SVEP1: variants seen among roughly 807,000 people sequenced by gnomAD.
SVEP1 encodes sushi, von Willebrand factor type A, EGF and pentraxin domain-containing protein 1.
In SVEP1, 164 loss-of-function variants were observed where a neutral mutation model predicts 367.3. The observed-to-expected ratio is 0.45, with a 90% confidence interval of 0.39 to 0.51. The LOEUF is 0.51. Among genes scored for constraint, SVEP1 ranks in the 20% least tolerant of loss-of-function variants. The probability of loss-of-function intolerance (pLI) is 0.00; values close to 1 mark genes in which losing one functional copy is unlikely to be tolerated. For synonymous variants in SVEP1, 1,666 were observed against 1,611.6 expected (o/e 1.03, Z -0.81); for missense variants, 4,117 against 4,425.3 (o/e 0.93, Z 1.98).
chr9:110,380,823 G>A (rs1400558730), intron 43 of SVEP1, among the ~76,000 whole-genome samples: 2 of 152,112 alleles, frequency 1.3e-5, no homozygotes, highest in Non-Finnish European at 2.9e-5. Context: ...CTGGTCCTTG[G>A]CTTTTTTTGG....
chr9:110,492,759 C>T (rs1055439122), intron 8 of SVEP1, among the ~76,000 whole-genome samples: 3 of 152,044 alleles, frequency 2.0e-5, no homozygotes, highest in African/African-American at 7.2e-5. Context: ...AGAACATTGG[C>T]AGGGGGAAGG....
At position 110,443,531 on chromosome 9, in the gene SVEP1, T is replaced by C. The variant is rs1467332786; in HGVS notation, c.4639+14A>G. The C allele has an allele frequency of 1.3e-6, 2 of 1,584,314 alleles. No homozygotes were observed. The highest frequency in any genetic ancestry group is 4.6e-5 in the East Asian group (2 of 43,570). On this transcript the variant is annotated intron_variant, in intron 27 of 47. Transcript: ENST00000374469. ...AGAGTCCAACAGAATTATACTCATT[T>C]TGTTAAAACATACCAGGTATGGGCA... is the stretch of plus-strand genomic sequence containing the variant.
chr9:110,565,676 C>T (rs918620157), intron 1 of SVEP1, among the ~76,000 whole-genome samples: 1 of 152,014 alleles, frequency 6.6e-6, no homozygotes, highest in Non-Finnish European at 1.5e-5. Context: ...TTAGAGAGTG[C>T]CCATTCAAAT....
At chr9:110,527,804 T>C (rs2118806618) in intron 3 of SVEP1, among the ~76,000 whole-genome samples, 1 of 151,976 alleles carries the variant, frequency 6.6e-6, no homozygotes, top group Non-Finnish European at 1.5e-5. Flanking sequence ...GTATATATCA[T>C]ACACAATTAT....
rs1828414090 is a variant in SVEP1 at position 110,435,143 on chromosome 9, C to T, written c.4888+98G>A. 9.3e-6 allele frequency: 13 copies of T among 1,395,310 alleles called. No individual in the cohort carries two copies. In the South Asian group the frequency reaches 1.1e-4, roughly 11 times the overall value. The allele number at this position is 1,395,310 out of a possible 1,614,324, so 86.4% of individuals were successfully genotyped here. On this transcript the variant is annotated intron_variant, in intron 29 of 47. Coordinates refer to ENST00000374469, the MANE Select transcript of SVEP1 (RefSeq NM_153366.4). Reference sequence around the variant, plus strand: ...CAAAAAGTAGATTGACAGTCACATACGATTGGACCGATAGAGAATTCTGAA... The same window carrying T: ...CAAAAAGTAGATTGACAGTCACATATGATTGGACCGATAGAGAATTCTGAA...
At chr9:110,560,864 T>A (rs538019808) in intron 1 of SVEP1, among the ~76,000 whole-genome samples, 1 of 152,270 alleles carries the variant, frequency 6.6e-6, no homozygotes, top group African/African-American at 2.4e-5. Flanking sequence ...TTCTTGAAAA[T>A]CAAGAGTTGT....
chr9:110,379,296 C>T, intron 44 of SVEP1, 51 bp downstream of exon 44: 1 of 1,584,202 alleles, frequency 6.3e-7, no homozygotes, highest in Non-Finnish European at 8.6e-7. Flanking sequence ...GATTTCTATA[C>T]ACATTTCCCT....
At position 110,450,225 on chromosome 9, in the gene SVEP1, A is replaced by T; in HGVS notation, c.3937T>A (p.Ser1313Thr). The change falls in exon 24 of 48, where the codon TCA becomes ACA. Residue 1313 changes from serine to threonine, a missense_variant. Transcript: ENST00000374469. ...HCETEVNECQSNPCLNNAVCE... is the reference protein window; with the variant it reads ...HCETEVNECQTNPCLNNAVCE... ...ACTGCATTATTTAAGCATGGGTTTG[A>T]CTGGCATTCATTGACTTCTGTTTCA... The T allele has an allele frequency of 6.2e-7, 1 of 1,613,858 alleles. No homozygotes were observed. Among genetic ancestry groups the T allele is most frequent in the Admixed American group, 1.7e-5 (1 of 60,002 alleles).
chr9:110,432,493 C>T lies in SVEP1; in HGVS notation c.5202G>A (p.Gly1734=). 1 of 1,613,506 alleles carries T rather than the reference C, an allele frequency of 6.2e-7. No homozygotes were observed. Among genetic ancestry groups the T allele is most frequent in the Non-Finnish European group, 8.5e-7 (1 of 1,179,714 alleles). Residue 1734 remains glycine (G), a synonymous_variant, in exon 31 of 48, where the codon GGG becomes GGA. Transcript: ENST00000374469. ...AGGATGGTGAAACGCCGTTCCAGCTCCCATTATCTGTACAGAACATCCTTG... is the reference window on the plus strand; with the variant it reads ...AGGATGGTGAAACGCCGTTCCAGCTTCCATTATCTGTACAGAACATCCTTG... ...GDSRMFCTDN[G]SWNGVSPSCL... is the part of the protein sequence containing the mutation.
At chr9:110,376,623 T>C (rs1293860079) in intron 45 of SVEP1, among the ~76,000 whole-genome samples, 5 of 152,204 alleles carry the variant, frequency 3.3e-5, no homozygotes, top group Admixed American at 2.6e-4. Flanking sequence ...CTCTTAATGG[T>C]TTACATACAC....
intron 40 of SVEP1, among the ~76,000 whole-genome samples, chr9:110,394,869 CGT>C (rs1827731831): frequency 6.6e-6 from 1 of 152,110 alleles, no homozygotes; most frequent in African/African-American, 2.4e-5. Context: ...ACCAAATCTA[CGT>C]CTGATTGGTG....
chr9:110,433,521 T>G (rs1161242798), intron 30 of SVEP1, among the ~76,000 whole-genome samples: 1 of 147,566 alleles, frequency 6.8e-6, no homozygotes. Flanking sequence ...TAAGCTGGAG[T>G]GCAGTGGTGC....
chr9:110,390,308 A>C (rs1208782470), intron 40 of SVEP1, among the ~76,000 whole-genome samples: 1 of 51,182 alleles, frequency 2.0e-5, no homozygotes, highest in African/African-American at 7.8e-5. Flanking sequence ...TACTTATATA[A>C]GTATGTGTAT....
chr9:110,475,105 T>C (rs1829078760), intron 14 of SVEP1, among the ~76,000 whole-genome samples: 1 of 151,984 alleles, frequency 6.6e-6, no homozygotes, highest in Admixed American at 6.6e-5. Flanking sequence ...CTTGATTTCA[T>C]TTTTTGTTTT....
At chr9:110,515,332 G>T (rs906070767) in intron 3 of SVEP1, among the ~76,000 whole-genome samples, 1 of 129,918 alleles carries the variant, frequency 7.7e-6, no homozygotes, top group Admixed American at 9.4e-5. Context: ...ACGGAGTCTC[G>T]CTCTGTCCCC....
intron 6 of SVEP1, among the ~76,000 whole-genome samples, chr9:110,502,667 T>C (rs1829552239): frequency 6.6e-6 from 1 of 152,190 alleles, no homozygotes. Context: ...TGGTTCCTAA[T>C]TTTGTCCTTC....
intron 6 of SVEP1, among the ~76,000 whole-genome samples, chr9:110,499,809 C>T (rs912180154): frequency 2.0e-5 from 3 of 152,152 alleles, no homozygotes; most frequent in Non-Finnish European, 4.4e-5. Context: ...GGACTTAATA[C>T]AGGGAGTGCA....
chr9:110,373,277 A>G (rs1334716883), intron 46 of SVEP1, among the ~76,000 whole-genome samples: 1 of 152,184 alleles, frequency 6.6e-6, no homozygotes, highest in Admixed American at 6.5e-5. Context: ...CTTCAAATTC[A>G]GCCTCCAGGA....
intron 27 of SVEP1, 80 bp downstream of exon 27, chr9:110,443,465 A>G (rs182296371): frequency 8.7e-5 from 105 of 1,213,828 alleles, no homozygotes; most frequent in Admixed American, 2.2e-4. Flanking sequence ...AAGAACAACA[A>G]TGCTAGCAAA....
Sources: gnomAD v4.1 joint callset for allele counts (sites outside exome capture counted in the v4.1 genomes callset) on GRCh38, gnomAD v4.1.1 for gene constraint, MANE v1.5 for transcripts, NCBI Gene and HGNC (gene_info 2026-07-23, HGNC 2026-07-21) for gene names.